DENND4B: variants seen among roughly 807,000 people sequenced by gnomAD.
The protein encoded by DENND4B is DENN domain-containing protein 4B.
DENND4B carries 67 observed loss-of-function variants against 161.0 expected under a neutral mutation model. That is an observed-to-expected ratio of 0.42 (90% confidence interval 0.34 to 0.51). The LOEUF (loss-of-function observed/expected upper bound fraction) is 0.51, where lower values mean the gene tolerates loss of function less well. Ranked by LOEUF, DENND4B falls within the 20% of genes least tolerant of loss-of-function variation. The pLI, the probability that DENND4B is intolerant of heterozygous loss-of-function variation, is 0.08. For missense variants in DENND4B, 1,481 were observed against 1,968.0 expected, an observed-to-expected ratio of 0.75 and a Z score of 4.68; for synonymous variants, 753 against 813.8, an observed-to-expected ratio of 0.93 and a Z score of 1.27.
In DENND4B at chr1:153,934,307, A is replaced by G. The variant is rs1474461469; in HGVS notation, c.2774-5T>C. On this transcript the variant is annotated splice_region_variant and splice_polypyrimidine_tract_variant and intron_variant, in intron 18 of 27. Transcript: ENST00000361217. This position sits in a 1 kb window ranked among gnomAD's most constrained non-coding sequence, Gnocchi z 5.3. The stretch of plus-strand genomic sequence containing the variant: ...AAGGGCGCTCCAAATAGGGCTCTGT[A>G]AAAGACGAGAAGGGGTTTAGAGGCG... The G allele has an allele frequency of 1.9e-6, 3 of 1,579,078 alleles. No individual in the cohort carries two copies. The highest frequency in any genetic ancestry group is 3.9e-5 in the Admixed American group (2 of 51,336).
At position 153,932,674 on chromosome 1, in the gene DENND4B, C is replaced by G. The variant is rs750379323; in HGVS notation, c.3727G>C (p.Asp1243His). Residue 1243 changes from aspartate (D) to histidine (H), a missense_variant, in exon 23 of 28, where the codon GAT (aspartate) becomes CAT (histidine). Coordinates refer to ENST00000361217, the MANE Select transcript of DENND4B (RefSeq NM_014856.3). The surrounding 1 kb of genome is among the most constrained non-coding windows in gnomAD (Gnocchi z 5.8). Reference protein sequence around the residue: ...LSDRRLCLALDEPQLCNGHMG... With the variant: ...LSDRRLCLALHEPQLCNGHMG... ...TGCCCGTTGCAGAGCTGGGGCTCAT[C>G]CAGAGCAAGGCAGAGCCTTCGGTCA... 6 of 1,613,982 alleles carry G rather than the reference C, an allele frequency of 3.7e-6. No homozygotes were observed. The East Asian group carries it at 1.3e-4, about 36-fold the overall frequency.
rs1679409447 is a variant in DENND4B at position 153,937,408 on chromosome 1, A to G, written c.2232+80T>C. 9 of 1,452,944 alleles carry G rather than the reference A, an allele frequency of 6.2e-6. No homozygotes were observed. Among genetic ancestry groups the G allele is most frequent in the Non-Finnish European group, 8.2e-6 (9 of 1,100,292 alleles). 90.0% of individuals were successfully genotyped at this position (1,452,944 alleles called of 1,614,324 possible). A position where few individuals can be genotyped will look rare whatever the true frequency, so the allele number is the denominator to read the frequency against. On this transcript the variant is annotated intron_variant, in intron 15 of 27. Coordinates refer to ENST00000361217, the MANE Select transcript of DENND4B (RefSeq NM_014856.3). The surrounding 1 kb of genome is among the most constrained non-coding windows in gnomAD (Gnocchi z 4.7). Reference sequence around the variant, plus strand: ...TGGGTTAAGTATTATTGTTATACCCATTTTGTAGATGAGGAAACTGAAGCA... The same window carrying G: ...TGGGTTAAGTATTATTGTTATACCCGTTTTGTAGATGAGGAAACTGAAGCA...
At position 153,942,314 on chromosome 1, in the gene DENND4B, G is replaced by A. The variant is rs775781942; in HGVS notation, c.683C>T (p.Pro228Leu). The change falls in exon 5 of 28, where the codon CCG (proline) becomes CTG (leucine). Residue 228 changes from proline (P) to leucine (L), a missense_variant. By Grantham distance (98) the Pro-to-Leu change is moderately conservative. Around this residue, in one of 3 missense-constraint regions of DENND4B, gnomAD observed 806 missense variants for 1,134.4 expected, o/e 0.71. Transcript: ENST00000361217. The surrounding 1 kb of genome is among the most constrained non-coding windows in gnomAD (Gnocchi z 6.9). Reference sequence around the variant, plus strand: ...GAAGACGGGCACTGACTCGGGCAGCGGGAACGCCTCATTGTCCTCCTCCGG... The same window carrying A: ...GAAGACGGGCACTGACTCGGGCAGCAGGAACGCCTCATTGTCCTCCTCCGG... The part of the protein sequence containing the change: ...RYPEEDNEAF[P>L]LPESVPVFCL... The A allele has an allele frequency of 9.3e-6, 15 of 1,613,494 alleles. No individual in the cohort carries two copies. Among genetic ancestry groups the A allele is most frequent in the African/African-American group, 2.7e-5 (2 of 74,922 alleles).
In DENND4B at chr1:153,940,168, G is replaced by C. The variant is rs1679586193; in HGVS notation, c.1591C>G (p.Gln531Glu). ...LLATLTNLYQQLDQTYTGPEE... is the reference protein window; with the variant it reads ...LLATLTNLYQELDQTYTGPEE... ...CCAGGCTTCTCACTCTGGTCCAGCTGCTGGTACAGGTTTGTCAGTGTGGCC... is the reference window on the plus strand; with the variant it reads ...CCAGGCTTCTCACTCTGGTCCAGCTCCTGGTACAGGTTTGTCAGTGTGGCC... The change falls in exon 11 of 28, where the codon CAG (glutamine) becomes GAG (glutamate). Residue 531 changes from glutamine (Q) to glutamate (E), a missense_variant. By Grantham distance (29) the Gln-to-Glu change is conservative. Coordinates refer to ENST00000361217, the MANE Select transcript of DENND4B (RefSeq NM_014856.3). The surrounding 1 kb of genome is among the most constrained non-coding windows in gnomAD (Gnocchi z 5.6). 6.3e-7 allele frequency: 1 copy of C among 1,579,550 alleles called. No individual in the cohort carries two copies. The highest frequency in any genetic ancestry group is 1.9e-5 in the Admixed American group (1 of 51,956).
In DENND4B at chr1:153,936,309, T is replaced by C; in HGVS notation, c.2440-121A>G. The C allele has an allele frequency of 7.1e-7, 1 of 1,413,118 alleles. No homozygotes were observed. Among genetic ancestry groups the C allele is most frequent in the South Asian group, 1.4e-5 (1 of 71,828 alleles). 87.5% of individuals were successfully genotyped at this position (1,413,118 alleles called of 1,614,324 possible). On this transcript the variant is annotated intron_variant, in intron 16 of 27. Transcript: ENST00000361217. The surrounding 1 kb of genome is among the most constrained non-coding windows in gnomAD (Gnocchi z 4.1). ...GACATCACTGGCCCCTGGCAGGTCCTGGGGCTACCTCAGAGCCACCCACCC... is the reference window on the plus strand; with the variant it reads ...GACATCACTGGCCCCTGGCAGGTCCCGGGGCTACCTCAGAGCCACCCACCC...
At position 153,942,882 on chromosome 1, in the gene DENND4B, C is replaced by A; in HGVS notation, c.566G>T (p.Gly189Val). The A allele has an allele frequency of 6.3e-7, 1 of 1,596,936 alleles. No homozygotes were observed. The highest frequency in any genetic ancestry group is 8.6e-7 in the Non-Finnish European group (1 of 1,167,568). ...YCRLPRNLNP[G>V]MWGPAVYLCY... ...TCAGCTCTTGGCCCCACTCACCATG[C>A]CAGGGTTGAGGTTGCGGGGCAGCCG... The change falls in exon 3 of 28, where the codon GGC (glycine) becomes GTC (valine). Residue 189 changes from glycine (G) to valine (V), a missense_variant. Physicochemically the swap from Gly to Val is moderately radical, Grantham distance 109. Transcript: ENST00000361217. This position sits in a 1 kb window ranked among gnomAD's most constrained non-coding sequence, Gnocchi z 6.9.
rs773228845 is a variant in DENND4B, at chr1:153,942,163, C to T, written c.810+24G>A. ...AGGCAGGCCCTGCATAGCCTGGACC[C>T]CTTGCCACACTCCACACACCCACCT... On this transcript the variant is annotated intron_variant, in intron 5 of 27. Coordinates refer to ENST00000361217, the MANE Select transcript of DENND4B (RefSeq NM_014856.3). This position sits in a 1 kb window ranked among gnomAD's most constrained non-coding sequence, Gnocchi z 6.9. 23 of 1,613,982 alleles carry T rather than the reference C, an allele frequency of 1.4e-5. No homozygotes were observed. The highest frequency in any genetic ancestry group is 1.9e-5 in the Non-Finnish European group (22 of 1,179,876).
In DENND4B at chr1:153,940,243, T is replaced by C; in HGVS notation, c.1516A>G (p.Lys506Glu). 6.3e-7 allele frequency: 1 copy of C among 1,599,122 alleles called. No homozygotes were observed. The highest frequency in any genetic ancestry group is 8.5e-7 in the Non-Finnish European group (1 of 1,173,588). The change falls in exon 11 of 28, where the codon AAG becomes GAG. Residue 506 changes from lysine to glutamate, a missense_variant. Transcript: ENST00000361217. This position sits in a 1 kb window ranked among gnomAD's most constrained non-coding sequence, Gnocchi z 5.6. Reference protein sequence around the residue: ...TNTLFQTEEKKLLSPRTLPRR... With the variant: ...TNTLFQTEEKELLSPRTLPRR... The stretch of plus-strand genomic sequence containing the variant: ...GGCAGGGTCCGAGGGGAGAGGAGCT[T>C]CTTTTCCTCAGTCCTGTGAGAAAAG...
rs1414811402 is a variant in DENND4B at position 153,932,008 on chromosome 1, A to C, written c.3996+196T>G. 6.7e-6 allele frequency among the ~76,000 whole-genome samples: 1 copy of C among 149,762 alleles called. No homozygotes were observed. Among genetic ancestry groups the C allele is most frequent in the Non-Finnish European group, 1.5e-5 (1 of 67,584 alleles). ...TTTTAGTAGAGACAGGGTTTCTCCC[A>C]GTTGGTCAGGCTGGTCTCGAACTCC... On this transcript the variant is annotated intron_variant, in intron 24 of 27. Transcript: ENST00000361217. This position sits in a 1 kb window ranked among gnomAD's most constrained non-coding sequence, Gnocchi z 5.8.
Position 153,939,641 on chromosome 1 carries a change from G to A in DENND4B, c.1767C>T (p.Thr589=). 1 of 1,613,630 alleles carries A rather than the reference G, an allele frequency of 6.2e-7. No individual in the cohort carries two copies. ...CACGAGCTCCCTCGGAGGGGGCCTG[G>A]GTGAGTGGGCGCAGGAAGACCCGGT... is the stretch of plus-strand genomic sequence containing the variant. ...KGYRVFLRPL[T]QAPSEGARDV... The change falls in exon 12 of 28, where the codon ACC becomes ACT. Residue 589 remains threonine, a synonymous_variant. Transcript: ENST00000361217.
chr1:153,941,821 C>G (rs777214504), intron 6 of DENND4B, 48 bp downstream of exon 6: 4 of 1,604,918 alleles, frequency 2.5e-6, no homozygotes, highest in Non-Finnish European at 3.4e-6. Flanking sequence ...CTCCTGGCCC[C>G]CTTATCCCTT....
Position 153,936,014 on chromosome 1 carries a change from C to T in DENND4B, c.2568+46G>A, listed in dbSNP as rs1164201068. 6.2e-7 allele frequency: 1 copy of T among 1,606,436 alleles called. No individual in the cohort carries two copies. The highest frequency in any genetic ancestry group is 1.3e-5 in the African/African-American group (1 of 74,768). ...GGAGCAGCAGCAGCCTCCCCTCACA[C>T]ACCCTGGCACAGCTGCCATCCCACC... On this transcript the variant is annotated intron_variant, in intron 17 of 27. Coordinates refer to ENST00000361217, the MANE Select transcript of DENND4B (RefSeq NM_014856.3). This position sits in a 1 kb window ranked among gnomAD's most constrained non-coding sequence, Gnocchi z 4.1.
In DENND4B at chr1:153,932,940, T is replaced by TA; in HGVS notation, c.3543dup (p.Asn1182Ter). 6.2e-7 allele frequency: 1 copy of TA among 1,613,996 alleles called. No individual in the cohort carries two copies. Among genetic ancestry groups the TA allele is most frequent in the African/African-American group, 1.3e-5 (1 of 75,046 alleles). On this transcript the variant is annotated frameshift_variant, in exon 22 of 28. Transcript: ENST00000361217. LOFTEE classifies it high-confidence loss of function. The surrounding 1 kb of genome is among the most constrained non-coding windows in gnomAD (Gnocchi z 5.8). Reference sequence around the variant, plus strand: ...CAGAAGGGGCAGGTTGTGTTGAGGTTAGAGTCATCAGGTGCCCAGCCAGCC... The same window carrying TA: ...CAGAAGGGGCAGGTTGTGTTGAGGTTAAGAGTCATCAGGTGCCCAGCCAGCC...
At position 153,942,820 on chromosome 1, in the gene DENND4B, G is replaced by C; in HGVS notation, c.570+58C>G. ...GGTCCTGGGATGCCCTTTGTTCCCAGTGTCCACACCCACTCTTACACCAAG... is the reference window on the plus strand; with the variant it reads ...GGTCCTGGGATGCCCTTTGTTCCCACTGTCCACACCCACTCTTACACCAAG... On this transcript the variant is annotated intron_variant, in intron 3 of 27. Transcript: ENST00000361217. This position sits in a 1 kb window ranked among gnomAD's most constrained non-coding sequence, Gnocchi z 6.9. The C allele has an allele frequency of 1.3e-6, 2 of 1,542,916 alleles. No homozygotes were observed. Among genetic ancestry groups the C allele is most frequent in the Non-Finnish European group, 1.8e-6 (2 of 1,141,568 alleles).
rs1386737930 is a variant in DENND4B at position 153,940,643 on chromosome 1, G to A, written c.1327-37C>T. ...GGCAGTGAGAACCAGTGAACAGGGG[G>A]TTGAGGCAGCAGTGGGAGGCACAGG... On this transcript the variant is annotated intron_variant, in intron 9 of 27. Coordinates refer to ENST00000361217, the MANE Select transcript of DENND4B (RefSeq NM_014856.3). This position sits in a 1 kb window ranked among gnomAD's most constrained non-coding sequence, Gnocchi z 5.6. 1.9e-6 allele frequency: 3 copies of A among 1,599,342 alleles called. No individual in the cohort carries two copies. The highest frequency in any genetic ancestry group is 2.6e-6 in the Non-Finnish European group (3 of 1,172,910).
chr1:153,933,490 G>A lies in DENND4B; in HGVS notation c.3323C>T (p.Ala1108Val), dbSNP rs1394355050. 2 of 1,560,566 alleles carry A rather than the reference G, an allele frequency of 1.3e-6. No individual in the cohort carries two copies. Among genetic ancestry groups the A allele is most frequent in the Non-Finnish European group, 1.7e-6 (2 of 1,153,134 alleles). ...CCCTCCTTCACTGGCTACCTCGGAG[G>A]CAGTGGATCCAGGGCGCTCCCGGGG... is the stretch of plus-strand genomic sequence containing the variant. Reference protein sequence around the residue: ...LHPRERPGSTASESSASLGSE... With the variant: ...LHPRERPGSTVSESSASLGSE... The change falls in exon 20 of 28, where the codon GCC (alanine) becomes GTC (valine). Residue 1108 changes from alanine (A) to valine (V), a missense_variant. Ala to Val is a moderately conservative substitution (Grantham distance 64). Around this residue, in one of 3 missense-constraint regions of DENND4B, gnomAD observed 336 missense variants for 503.3 expected, o/e 0.67. Transcript: ENST00000361217. This position sits in a 1 kb window ranked among gnomAD's most constrained non-coding sequence, Gnocchi z 5.7.
chr1:153,933,987 G>A lies in DENND4B; in HGVS notation c.2942-116C>T. 1.3e-6 allele frequency: 2 copies of A among 1,503,486 alleles called. No homozygotes were observed. Among genetic ancestry groups the A allele is most frequent in the Non-Finnish European group, 1.8e-6 (2 of 1,125,498 alleles). 93.1% of individuals were successfully genotyped at this position (1,503,486 alleles called of 1,614,324 possible). ...ACTCTGGTGCCACCACCCCCACCAT[G>A]ATGATATTCTGGGCGAGATTCCCTC... On this transcript the variant is annotated intron_variant, in intron 19 of 27. Coordinates refer to ENST00000361217, the MANE Select transcript of DENND4B (RefSeq NM_014856.3). The surrounding 1 kb of genome is among the most constrained non-coding windows in gnomAD (Gnocchi z 5.7).
rs200969354 is a variant in DENND4B at position 153,934,812 on chromosome 1, C to T, written c.2721G>A (p.Gln907=). ...GTGCTGACACCTGCTCCTGCTGCTG[C>T]TGCTGCTGCTGCTGCTGTTGCTGCT... is the stretch of plus-strand genomic sequence containing the variant. The part of the protein sequence containing the change: ...QQQQQQQQQQ[Q]QQQEQVSAHQ... Residue 907 remains glutamine, a synonymous_variant, in exon 18 of 28, where the codon CAG becomes CAA. Transcript: ENST00000361217. This position sits in a 1 kb window ranked among gnomAD's most constrained non-coding sequence, Gnocchi z 5.3. The T allele has an allele frequency of 8.0e-5, 99 of 1,242,458 alleles. No individual in the cohort carries two copies. In the African/African-American group the frequency reaches 1.4e-3, roughly 17 times the overall value. The allele number at this position is 1,242,458 out of a possible 1,614,324, so 77.0% of individuals were successfully genotyped here. A position where few individuals can be genotyped will look rare whatever the true frequency, so the allele number is the denominator to read the frequency against.
chr1:153,941,433 A>C lies in DENND4B; in HGVS notation c.1063T>G (p.Ser355Ala), dbSNP rs750718487. 6.2e-7 allele frequency: 1 copy of C among 1,612,012 alleles called. No homozygotes were observed. The change falls in exon 7 of 28, where the codon TCC (serine) becomes GCC (alanine). Residue 355 changes from serine to alanine, a missense_variant. By Grantham distance (99) the Ser-to-Ala change is moderately conservative. Transcript: ENST00000361217. ...AAGGGAACGTTGTGAATGAAGTGGG[A>C]GATGTGCCTGGGGGACAGAGAAACA... ...PHRLPLEAHI[S>A]HFIHNVPFPS...
Sources: allele counts gnomAD v4.1 joint callset (sites outside exome capture counted in the v4.1 genomes callset), GRCh38; gene constraint gnomAD v4.1.1; regional missense constraint gnomAD v4.1.1; non-coding constraint Gnocchi (gnomAD v3.1); transcripts MANE v1.5; gene names NCBI Gene and HGNC (gene_info 2026-07-23, HGNC 2026-07-21).